The following SHROOM3 variants were observed in gnomAD, a reference collection of about 807,000 sequenced individuals.
The protein encoded by SHROOM3 is shroom family member 3.
SHROOM3 carries 47 observed loss-of-function variants against 138.6 expected under a neutral mutation model. The observed-to-expected ratio is 0.34, with a 90% CI of 0.27 to 0.43. The LOEUF (loss-of-function observed/expected upper bound fraction) is 0.43. Ranked by LOEUF, SHROOM3 falls within the 20% of genes least tolerant of loss-of-function variation. The pLI is 1.00. For missense variants in SHROOM3, 2,491 were observed against 2,596.5 expected (o/e 0.96, Z 0.88); for synonymous variants, 1,062 against 1,063.3 (o/e 1.00, Z 0.02).
chr4:76,746,074 C>A (rs367846627), intron 5 of SHROOM3, among the ~76,000 whole-genome samples: 3 of 152,156 alleles, frequency 2.0e-5, no homozygotes, highest in African/African-American at 7.2e-5. Flanking sequence ...AACCAAGTCA[C>A]CAAGAGGGTA....
chr4:76,451,449 A>G (rs1730924168), intron 1 of SHROOM3, among the ~76,000 whole-genome samples: 1 of 152,210 alleles, frequency 6.6e-6, no homozygotes. Context: ...CATTTATATA[A>G]ATTTTTAAAA....
At chr4:76,494,248 A>C (rs923237023) in intron 1 of SHROOM3, among the ~76,000 whole-genome samples, 34 of 151,936 alleles carry the variant, frequency 2.2e-4, no homozygotes, top group African/African-American at 5.8e-4. Flanking sequence ...AAACTTCTGA[A>C]CCTTTTCAGG....
At chr4:76,611,927 A>G (rs186066695) in intron 2 of SHROOM3, among the ~76,000 whole-genome samples, 1 of 152,354 alleles carries the variant, frequency 6.6e-6, no homozygotes, top group East Asian at 1.9e-4. Flanking sequence ...AGGCTGAATC[A>G]GTTCCATGTT....
In SHROOM3 at chr4:76,568,686, A is replaced by G. The variant is rs112621288; in HGVS notation, c.323+12923A>G. On this transcript the variant is annotated intron_variant, in intron 2 of 10. Coordinates refer to ENST00000296043, the MANE Select transcript of SHROOM3 (RefSeq NM_020859.4). ...CTTCAGGGGTGCTTCTTGTAGCAGG[A>G]CCCACCCTTCTCTCTGTCCTCAGCT... 5.8e-3 allele frequency among the ~76,000 whole-genome samples: 880 copies of G among 152,120 alleles called. 4 individuals are homozygous for G. The highest frequency in any genetic ancestry group is 0.02 in the African/African-American group (836 of 41,476).
intron 2 of SHROOM3, among the ~76,000 whole-genome samples, chr4:76,642,515 C>A (rs1345720290): frequency 6.6e-6 from 1 of 152,032 alleles, no homozygotes; most frequent in South Asian, 2.1e-4. Context: ...TCACTGGAGG[C>A]AAAGGCTCAG....
intron 3 of SHROOM3, among the ~76,000 whole-genome samples, chr4:76,721,464 G>A (rs576849967): frequency 6.6e-6 from 1 of 152,334 alleles, no homozygotes; most frequent in Non-Finnish European, 1.5e-5. Flanking sequence ...ATATGCATAC[G>A]GTGGAGTACT....
chr4:76,741,611 C>G lies in SHROOM3; in HGVS notation c.3438C>G (p.Ser1146Arg), dbSNP rs774782480. 3.9e-6 allele frequency: 6 copies of G among 1,539,826 alleles called. No individual in the cohort carries two copies. Among genetic ancestry groups the G allele is most frequent in the Non-Finnish European group, 3.5e-6 (4 of 1,148,394 alleles). Residue 1146 changes from serine to arginine, a missense_variant, in exon 5 of 11, where the codon AGC becomes AGG. By Grantham distance (110) the Ser-to-Arg change is moderately radical. Transcript: ENST00000296043. The surrounding 1 kb of genome is among the most constrained non-coding windows in gnomAD (Gnocchi z 6.2). ...GCTTGAGCTCACTGCGGGAGCCCAG[C>G]CTGCAGCCCCGCAGGGAGGCCACGC... Reference protein sequence around the residue: ...ASSLSSLREPSLQPRREATLL... With the variant: ...ASSLSSLREPRLQPRREATLL...
chr4:76,663,512 A>T (rs2110094333), intron 2 of SHROOM3, among the ~76,000 whole-genome samples: 1 of 152,322 alleles, frequency 6.6e-6, no homozygotes. Context: ...AATAACCAGC[A>T]GCAAAGAAGC....
intron 1 of SHROOM3, among the ~76,000 whole-genome samples, chr4:76,450,189 G>A (rs757466718): frequency 6.6e-6 from 1 of 152,150 alleles, no homozygotes; most frequent in Non-Finnish European, 1.5e-5. Flanking sequence ...CCCAAGCAGA[G>A]AAAAATATGC....
At chr4:76,610,843 CT>C (rs758718167) in intron 2 of SHROOM3, among the ~76,000 whole-genome samples, 4 of 152,182 alleles carry the variant, frequency 2.6e-5, no homozygotes, top group Non-Finnish European at 2.9e-5. Flanking sequence ...CAGGTTCTCA[CT>C]GATGAACATG....
At chr4:76,678,756 G>A (rs1414599346) in intron 2 of SHROOM3, among the ~76,000 whole-genome samples, 2 of 152,170 alleles carry the variant, frequency 1.3e-5, no homozygotes, top group Admixed American at 6.5e-5. Context: ...CGCCTCCCAG[G>A]TTCAAGCAAT....
At chr4:76,625,673 A>G (rs1025834422) in intron 2 of SHROOM3, among the ~76,000 whole-genome samples, 1 of 152,128 alleles carries the variant, frequency 6.6e-6, no homozygotes, top group African/African-American at 2.4e-5. Flanking sequence ...AACCATGTCC[A>G]GTTCCTGAGC....
chr4:76,606,101 C>G (rs370149670), intron 2 of SHROOM3, among the ~76,000 whole-genome samples: 1 of 147,276 alleles, frequency 6.8e-6, no homozygotes, highest in Admixed American at 6.8e-5. Flanking sequence ...GCAACCTCCA[C>G]CTCCCGGATT....
At chr4:76,532,296 A>G (rs1167706111) in intron 1 of SHROOM3, 1 of 152,154 alleles carries the variant, frequency 6.6e-6, no homozygotes, top group Non-Finnish European at 1.5e-5. Flanking sequence ...GTAACATTCC[A>G]ATTTTAGTAT....
At chr4:76,662,363 G>A (rs1718529635) in intron 2 of SHROOM3, among the ~76,000 whole-genome samples, 1 of 152,092 alleles carries the variant, frequency 6.6e-6, no homozygotes, top group Non-Finnish European at 1.5e-5. Context: ...CTTCTCACAT[G>A]GAACCCCACA....
intron 2 of SHROOM3, among the ~76,000 whole-genome samples, chr4:76,622,828 A>G (rs2110067195): frequency 6.6e-6 from 1 of 152,216 alleles, no homozygotes; most frequent in South Asian, 2.1e-4. Flanking sequence ...TCTCAGGTTT[A>G]TAGCTTTGAG....
At chr4:76,485,692 G>A (rs184628779) in intron 1 of SHROOM3, among the ~76,000 whole-genome samples, 9 of 152,154 alleles carry the variant, frequency 5.9e-5, no homozygotes, top group Admixed American at 3.9e-4. Flanking sequence ...TTTATGTATC[G>A]CCTCTTTGTC....
At chr4:76,473,308 A>G (rs1374191704) in intron 1 of SHROOM3, among the ~76,000 whole-genome samples, 1 of 152,224 alleles carries the variant, frequency 6.6e-6, no homozygotes, top group Non-Finnish European at 1.5e-5. Context: ...AAGAATTATT[A>G]TGACTCAACA....
At chr4:76,612,797 G>A (rs1385465178) in intron 2 of SHROOM3, among the ~76,000 whole-genome samples, 11 of 152,056 alleles carry the variant, frequency 7.2e-5, no homozygotes, top group African/African-American at 1.2e-4. Context: ...TCAAGAAGCC[G>A]GATGTGGTGG....
Sources: allele counts gnomAD v4.1 joint callset (sites outside exome capture counted in the v4.1 genomes callset), GRCh38; gene constraint gnomAD v4.1.1; non-coding constraint Gnocchi (gnomAD v3.1); transcripts MANE v1.5; gene names NCBI Gene and HGNC (gene_info 2026-07-23, HGNC 2026-07-21).